Variants in CHST9 observed in about 807,000 individuals in gnomAD.
The protein encoded by CHST9 is GalNAc-4-sulfotransferase 2.
CHST9 carries 41 observed loss-of-function variants against 44.4 expected under a neutral mutation model. The ratio of observed to expected loss-of-function variants is 0.92; its 90% confidence interval spans 0.72 to 1.20. The LOEUF (loss-of-function observed/expected upper bound fraction) is 1.20. Ranked by LOEUF, CHST9 falls within the 50% of genes most tolerant of loss-of-function variation. The pLI, the probability that CHST9 is intolerant of heterozygous loss-of-function variation, is 0.00. For synonymous variants in CHST9, 171 were observed against 178.4 expected, an observed-to-expected ratio of 0.96 and a Z score of 0.33; for missense variants, 504 against 516.5, an observed-to-expected ratio of 0.98 and a Z score of 0.23.
chr18:27,009,128 T>C (rs909125012), intron 4 of CHST9, among the ~76,000 whole-genome samples: 5 of 152,170 alleles, frequency 3.3e-5, no homozygotes, highest in Admixed American at 2.0e-4. Context: ...TTTGTTGCAA[T>C]TTGTAACAAT....
intron 2 of CHST9, among the ~76,000 whole-genome samples, chr18:27,114,794 A>T (rs1252850130): frequency 6.6e-6 from 1 of 152,184 alleles, no homozygotes; most frequent in African/African-American, 2.4e-5. Context: ...TTTATGGCTG[A>T]ATATCATTCC....
chr18:27,124,647 G>A (rs2058404590), intron 2 of CHST9, among the ~76,000 whole-genome samples: 1 of 152,160 alleles, frequency 6.6e-6, no homozygotes, highest in Admixed American at 6.5e-5. Flanking sequence ...TTTGGATATG[G>A]AGTTTCAGGT....
intron 2 of CHST9, among the ~76,000 whole-genome samples, chr18:27,097,455 ATCTC>A (rs2058128365): frequency 6.6e-6 from 1 of 151,996 alleles, no homozygotes; most frequent in Non-Finnish European, 1.5e-5. Context: ...AAATCCAACT[ATCTC>A]TCTTTGTAGA....
chr18:27,132,372 G>A (rs575181173), intron 2 of CHST9, among the ~76,000 whole-genome samples: 4 of 152,186 alleles, frequency 2.6e-5, no homozygotes, highest in South Asian at 4.1e-4. Flanking sequence ...TGACCTCAAC[G>A]AAGACATTTC....
intron 1 of CHST9, among the ~76,000 whole-genome samples, chr18:27,147,082 G>T (rs2143884028): frequency 6.6e-6 from 1 of 151,506 alleles, no homozygotes; most frequent in South Asian, 2.1e-4. Flanking sequence ...TTATTTTTTT[G>T]AGATGGAGTT....
rs2055462661 is a variant in CHST9 at position 26,913,019 on chromosome 18, G to C, written c.*3240C>G. On this transcript the variant is annotated 3_prime_UTR_variant, in exon 6 of 6. Transcript: ENST00000618847. ...TGGGATGCCCTGAGAGGCCACATGA[G>C]AATGCACAGGAGGGAGACGTTTACT... The C allele has an allele frequency of 6.6e-6, 1 of 152,168 alleles. No individual in the cohort carries two copies. The highest frequency in any genetic ancestry group is 2.4e-5 in the African/African-American group (1 of 41,446). 9.4% of individuals were successfully genotyped at this position (152,168 alleles called of 1,614,324 possible).
intron 3 of CHST9, among the ~76,000 whole-genome samples, chr18:27,025,237 T>G (rs1354753320): frequency 6.7e-6 from 1 of 150,230 alleles, no homozygotes; most frequent in Non-Finnish European, 1.5e-5. Flanking sequence ...GGTAATGTTT[T>G]GCTCTCTGCA....
At chr18:27,012,159 G>A (rs1209663308) in intron 4 of CHST9, among the ~76,000 whole-genome samples, 2 of 152,082 alleles carry the variant, frequency 1.3e-5, no homozygotes, top group Non-Finnish European at 2.9e-5. Flanking sequence ...TATAATTTAT[G>A]TACTGTTGAC....
At chr18:27,112,994 C>T (rs1485362283) in intron 2 of CHST9, among the ~76,000 whole-genome samples, 1 of 151,992 alleles carries the variant, frequency 6.6e-6, no homozygotes, top group African/African-American at 2.4e-5. Context: ...TCGAGACTAT[C>T]CTGGCTAATG....
At chr18:27,117,997 T>C (rs2058343536) in intron 2 of CHST9, among the ~76,000 whole-genome samples, 1 of 152,244 alleles carries the variant, frequency 6.6e-6, no homozygotes, top group Non-Finnish European at 1.5e-5. Context: ...TACCATTTTG[T>C]ATTCCCACCA....
intron 2 of CHST9, among the ~76,000 whole-genome samples, chr18:27,126,570 G>A (rs2058425846): frequency 6.6e-6 from 1 of 152,158 alleles, no homozygotes; most frequent in South Asian, 2.1e-4. Flanking sequence ...TTGAGAAACT[G>A]AAAATTTAGG....
At chr18:27,167,749 G>C (rs2058801730) in intron 1 of CHST9, among the ~76,000 whole-genome samples, 1 of 152,166 alleles carries the variant, frequency 6.6e-6, no homozygotes, top group African/African-American at 2.4e-5. Context: ...TGGACATTTT[G>C]GTCAGAGGAA....
chr18:27,113,624 T>C (rs748453527), intron 2 of CHST9, among the ~76,000 whole-genome samples: 21 of 152,152 alleles, frequency 1.4e-4, no homozygotes, highest in Admixed American at 3.3e-4. Flanking sequence ...CCTTAAACCA[T>C]GTAAAGACAC....
At chr18:27,048,367 T>A in intron 3 of CHST9, 98 bp downstream of exon 3, 1 of 885,954 alleles carries the variant, frequency 1.1e-6, no homozygotes, top group Non-Finnish European at 1.8e-6. Context: ...CATAAACTAT[T>A]AATTTTAGTG....
At chr18:27,061,382 C>A (rs1568155643) in intron 2 of CHST9, among the ~76,000 whole-genome samples, 1 of 152,188 alleles carries the variant, frequency 6.6e-6, no homozygotes. Context: ...AAGGAAAGAG[C>A]ATTGCCTTTA....
intron 1 of CHST9, among the ~76,000 whole-genome samples, chr18:27,181,524 G>A (rs1427288519): frequency 1.3e-5 from 2 of 152,036 alleles, no homozygotes; most frequent in Non-Finnish European, 2.9e-5. Context: ...TCCTTCTCTT[G>A]GAAAGGACAT....
intron 5 of CHST9, 111 bp from the exon 6 acceptor site, chr18:26,917,461 A>C: frequency 7.9e-7 from 1 of 1,265,880 alleles, no homozygotes; most frequent in Non-Finnish European, 1.1e-6. Flanking sequence ...AGCATATTTC[A>C]TATAAGCTGC....
chr18:27,124,989 G>T (rs923394561), intron 2 of CHST9, among the ~76,000 whole-genome samples: 2 of 152,156 alleles, frequency 1.3e-5, no homozygotes, highest in Admixed American at 1.3e-4. Context: ...TTGGTTTATT[G>T]AGTGTATGAA....
At chr18:27,024,194 T>A (rs1423376753) in intron 3 of CHST9, 37 bp from the exon 4 acceptor site, 1 of 1,572,594 alleles carries the variant, frequency 6.4e-7, no homozygotes, top group African/African-American at 1.4e-5. Context: ...TATATTACCA[T>A]CACATCCAAA....
Sources: allele counts gnomAD v4.1 joint callset (sites outside exome capture counted in the v4.1 genomes callset), GRCh38; gene constraint gnomAD v4.1.1; transcripts MANE v1.5; gene names NCBI Gene and HGNC (gene_info 2026-07-23, HGNC 2026-07-21).